Variants in PDLIM5 observed in about 807,000 individuals in gnomAD.
The protein encoded by PDLIM5 is PDZ and LIM domain 5, also known as PDZ and LIM domain protein 5.
PDLIM5 carries 34 observed loss-of-function variants against 64.2 expected under a neutral mutation model. That is an observed-to-expected ratio of 0.53 (90% confidence interval 0.40 to 0.71). The LOEUF is 0.71. Among genes scored for constraint, PDLIM5 ranks in the 30% least tolerant of loss-of-function variants. The probability of loss-of-function intolerance (pLI) is 0.00; values close to 1 mark genes in which losing one functional copy is unlikely to be tolerated. For missense variants in PDLIM5, 683 were observed against 733.6 expected (o/e 0.93, Z 0.80); for synonymous variants, 253 against 269.1 (o/e 0.94, Z 0.59).
At chr4:94,482,211 C>G (rs1271687429) in intron 2 of PDLIM5, among the ~76,000 whole-genome samples, 5 of 151,468 alleles carry the variant, frequency 3.3e-5, no homozygotes, top group Non-Finnish European at 5.9e-5. Context: ...GTTCTGTCAC[C>G]CAGGCTAGAG....
At chr4:94,663,235 T>C (rs1742881839) in intron 12 of PDLIM5, among the ~76,000 whole-genome samples, 1 of 152,236 alleles carries the variant, frequency 6.6e-6, no homozygotes, top group African/African-American at 2.4e-5. Context: ...AAAAGTAATA[T>C]TAATCGGTGC....
At position 94,618,162 on chromosome 4, in the gene PDLIM5, C is replaced by T. The variant is rs1738939290; in HGVS notation, c.1079C>T (p.Ser360Leu). ...KPVGSTGVIKSPSWQRPNQGV... is the reference protein window; with the variant it reads ...KPVGSTGVIKLPSWQRPNQGV... ...GTAGGATCCACTGGCGTCATCAAGT[C>T]ACCAAGCTGGCAACGGCCAAACCAA... The change falls in exon 8 of 13, where the codon TCA becomes TTA. Residue 360 changes from serine (S) to leucine (L), a missense_variant. Coordinates refer to ENST00000317968, the MANE Select transcript of PDLIM5 (RefSeq NM_006457.5). 2 of 1,603,426 alleles carry T rather than the reference C, an allele frequency of 1.2e-6. No homozygotes were observed. Among genetic ancestry groups the T allele is most frequent in the South Asian group, 1.1e-5 (1 of 89,024 alleles).
intron 3 of PDLIM5, among the ~76,000 whole-genome samples, chr4:94,527,873 T>TGTGAA (rs1472260098): frequency 6.6e-6 from 1 of 152,154 alleles, no homozygotes; most frequent in African/African-American, 2.4e-5. Context: ...TTATATTGCT[T>TGTGAA]CCAAAGAAAG....
chr4:94,491,541 G>A (rs3805301), intron 2 of PDLIM5, among the ~76,000 whole-genome samples: 28,853 of 151,708 alleles, frequency 0.19, 2,845 homozygotes, highest in African/African-American at 0.22. Context: ...CATGCCTTTC[G>A]AGATTTTCAA....
intron 2 of PDLIM5, among the ~76,000 whole-genome samples, chr4:94,512,049 CTTG>C (rs1728928609): frequency 1.3e-5 from 2 of 150,104 alleles, no homozygotes; most frequent in East Asian, 3.9e-4. Flanking sequence ...AAGATGTAGT[CTTG>C]TTGTGTCACC....
chr4:94,543,878 C>T (rs1306614061), intron 3 of PDLIM5, among the ~76,000 whole-genome samples: 2 of 147,754 alleles, frequency 1.4e-5, no homozygotes, highest in Non-Finnish European at 3.0e-5. Context: ...TAGGTTGATT[C>T]CATATTATGG....
Position 94,640,439 on chromosome 4 carries a change from C to T in PDLIM5, c.1272C>T (p.Asn424=). ...GAACTCCGATGTGCGCCCATTGTAACCAGGTCATCAGGTTGGTTGTTTTTT... is the reference window on the plus strand; with the variant it reads ...GAACTCCGATGTGCGCCCATTGTAATCAGGTCATCAGGTTGGTTGTTTTTT... ...GKRTPMCAHC[N]QVIRGPFLVA... The change falls in exon 9 of 13, where the codon AAC becomes AAT. Residue 424 remains asparagine, a synonymous_variant. Transcript: ENST00000317968. 6.3e-7 allele frequency: 1 copy of T among 1,592,218 alleles called. No homozygotes were observed. The highest frequency in any genetic ancestry group is 8.6e-7 in the Non-Finnish European group (1 of 1,169,210).
intron 8 of PDLIM5, among the ~76,000 whole-genome samples, chr4:94,636,767 T>C (rs1191546679): frequency 2.0e-5 from 3 of 151,968 alleles, no homozygotes; most frequent in Admixed American, 6.6e-5. Flanking sequence ...GATCTCCTGA[T>C]CTCATGATCC....
chr4:94,578,637 C>T (rs1335744837), intron 5 of PDLIM5, among the ~76,000 whole-genome samples: 1 of 152,066 alleles, frequency 6.6e-6, no homozygotes, highest in Non-Finnish European at 1.5e-5. Flanking sequence ...AGTGATGTGT[C>T]ATTTTGAAGA....
chr4:94,455,280 A>T lies in PDLIM5; in HGVS notation c.-9A>T, dbSNP rs771390083. ...ATTTTCTGTCATTGGACTTTGAGCCATTAGAACCATGAGCAACTACAGTGT... is the reference window on the plus strand; with the variant it reads ...ATTTTCTGTCATTGGACTTTGAGCCTTTAGAACCATGAGCAACTACAGTGT... On this transcript the variant is annotated 5_prime_UTR_variant, in exon 2 of 13. Coordinates refer to ENST00000317968, the MANE Select transcript of PDLIM5 (RefSeq NM_006457.5). 5.7e-6 allele frequency: 9 copies of T among 1,576,140 alleles called. No individual in the cohort carries two copies. The East Asian group carries it at 1.6e-4, about 27-fold the overall frequency.
intron 7 of PDLIM5, among the ~76,000 whole-genome samples, chr4:94,603,572 T>C (rs1737667505): frequency 6.6e-6 from 1 of 152,154 alleles, no homozygotes. Context: ...TATTAGGACA[T>C]ACATACAGGG....
chr4:94,636,039 G>T (rs1560755923), intron 8 of PDLIM5, among the ~76,000 whole-genome samples: 1 of 152,172 alleles, frequency 6.6e-6, no homozygotes, highest in African/African-American at 2.4e-5. Flanking sequence ...AATAGCGGTA[G>T]AACTTAGAGC....
rs951366540 is a variant in PDLIM5, at chr4:94,496,725, C to T, written c.97-26999C>T. ...GGCTGGCCTAGAACTCCTGGGCTTG[C>T]GTTCCAGTCTGCTGGCCTTGGCCTT... On this transcript the variant is annotated intron_variant, in intron 2 of 12. Transcript: ENST00000317968. 5.5e-4 allele frequency among the ~76,000 whole-genome samples: 84 copies of T among 152,242 alleles called. 1 individual carries two copies. Among genetic ancestry groups the T allele is most frequent in the African/African-American group, 1.9e-3 (81 of 41,554 alleles).
At chr4:94,470,502 A>G (rs1005761656) in intron 2 of PDLIM5, among the ~76,000 whole-genome samples, 4 of 152,196 alleles carry the variant, frequency 2.6e-5, no homozygotes, top group Non-Finnish European at 4.4e-5. Flanking sequence ...TTTACAGTAT[A>G]TCTATTTTTA....
At chr4:94,559,239 T>C (rs763418532) in intron 3 of PDLIM5, among the ~76,000 whole-genome samples, 1 of 152,208 alleles carries the variant, frequency 6.6e-6, no homozygotes, top group Non-Finnish European at 1.5e-5. Flanking sequence ...AGCAAGTATC[T>C]AGGTTATAAC....
intron 7 of PDLIM5, among the ~76,000 whole-genome samples, chr4:94,596,440 A>C (rs1221410069): frequency 6.6e-6 from 1 of 152,140 alleles, no homozygotes; most frequent in Non-Finnish European, 1.5e-5. Flanking sequence ...AGAGAAGTAA[A>C]TTACACAATA....
chr4:94,651,935 G>A (rs747378366), intron 9 of PDLIM5, among the ~76,000 whole-genome samples: 1 of 152,170 alleles, frequency 6.6e-6, no homozygotes, highest in Admixed American at 6.5e-5. Context: ...ATCCTGCGGG[G>A]TGCAGCAGGC....
intron 6 of PDLIM5, 93 bp downstream of exon 6, chr4:94,585,830 C>T (rs1736145790): frequency 2.1e-6 from 2 of 940,902 alleles, no homozygotes; most frequent in Non-Finnish European, 3.3e-6. Flanking sequence ...AAAACAACCC[C>T]GAGACAGTTT....
At chr4:94,522,037 A>G (rs1729874409) in intron 2 of PDLIM5, among the ~76,000 whole-genome samples, 1 of 152,188 alleles carries the variant, frequency 6.6e-6, no homozygotes, top group South Asian at 2.1e-4. Context: ...GTAACTTTGT[A>G]TAGGTGGCAG....
Sources: allele counts gnomAD v4.1 joint callset (sites outside exome capture counted in the v4.1 genomes callset), GRCh38; gene constraint gnomAD v4.1.1; transcripts MANE v1.5; gene names NCBI Gene and HGNC (gene_info 2026-07-23, HGNC 2026-07-21).